The following SAMD9 variants were observed in gnomAD, a reference collection of about 807,000 sequenced individuals.
The protein encoded by SAMD9 is sterile alpha motif domain containing 9.
Under a neutral mutation model 1.5 loss-of-function variants are expected in SAMD9, and 3 were observed. The observed-to-expected ratio is 2.05, with a 90% CI of 0.93 to 5.29. The LOEUF (loss-of-function observed/expected upper bound fraction) is 5.29. Ranked by LOEUF, SAMD9 falls within the 30% of genes most tolerant of loss-of-function variation. The probability of loss-of-function intolerance (pLI) is 0.02; values close to 1 mark genes in which losing one functional copy is unlikely to be tolerated. For synonymous variants in SAMD9, 635 were observed against 631.9 expected (o/e 1.00, Z -0.07); for missense variants, 1,597 against 1,820.8 (o/e 0.88, Z 2.24).
At position 93,102,562 on chromosome 7, in the gene SAMD9, T is replaced by A. The variant is rs766505454; in HGVS notation, c.3536A>T (p.Glu1179Val). ...QSEDREYEVK[E>V]RLYPKSKRRY... ...CCTTTTTGACTTCGGATACAATCTT[T>A]CCTTCACTTCATACTCTCTATCTTC... The change falls in exon 3 of 3, where the codon GAA (glutamate) becomes GTA (valine). Residue 1179 changes from glutamate (E) to valine (V), a missense_variant. By Grantham distance (121) the Glu-to-Val change is moderately radical. This residue lies in a region of SAMD9 where 682 missense variants were observed against 810.0 expected (regional missense o/e 0.84). Transcript: ENST00000379958. The A allele has an allele frequency of 6.2e-7, 1 of 1,613,898 alleles. No homozygotes were observed. Among genetic ancestry groups the A allele is most frequent in the Non-Finnish European group, 8.5e-7 (1 of 1,179,790 alleles).
At position 93,105,509 on chromosome 7, in the gene SAMD9, A is replaced by C; in HGVS notation, c.589T>G (p.Phe197Val). The C allele has an allele frequency of 6.2e-7, 1 of 1,614,082 alleles. No homozygotes were observed. The highest frequency in any genetic ancestry group is 1.1e-5 in the South Asian group (1 of 91,078). The part of the protein sequence containing the change: ...PGNLIDPIHE[F>V]KAFTNTATAT... Reference sequence around the variant, plus strand: ...GTTGCTGTATTTGTGAAGGCTTTGAATTCATGTATCGGATCAATGAGATTG... The same window carrying C: ...GTTGCTGTATTTGTGAAGGCTTTGACTTCATGTATCGGATCAATGAGATTG... The change falls in exon 3 of 3, where the codon TTC (phenylalanine) becomes GTC (valine). Residue 197 changes from phenylalanine to valine, a missense_variant. By Grantham distance (50) the Phe-to-Val change is conservative (BLOSUM62 -1). Around this residue, in one of 6 missense-constraint regions of SAMD9, gnomAD observed 498 missense variants for 457.4 expected, o/e 1.09. Transcript: ENST00000379958.
In SAMD9 at chr7:93,101,545, C is replaced by T. The variant is rs1424807533; in HGVS notation, c.4553G>A (p.Trp1518Ter). ...INSLWQSGDV[W>*]KEEKVQELLL... The stretch of plus-strand genomic sequence containing the variant: ...AAGTTCTTGGACTTTTTCCTCCTTC[C>T]ACACATCTCCACTCTGCCACAAGGA... The change falls in exon 3 of 3, where the codon TGG becomes TAG. Residue 1518 changes from tryptophan to a stop codon, truncating the protein, a stop_gained. Transcript: ENST00000379958. LOFTEE classifies it low-confidence loss of function (END_TRUNC). 3.7e-6 allele frequency: 6 copies of T among 1,613,610 alleles called. No homozygotes were observed. The highest frequency in any genetic ancestry group is 1.1e-5 in the South Asian group (1 of 91,074).
intron 2 of SAMD9, among the ~76,000 whole-genome samples, chr7:93,113,754 T>C (rs984774319): frequency 4.6e-5 from 7 of 152,060 alleles, no homozygotes; most frequent in African/African-American, 7.2e-5. Context: ...TGAGATACCA[T>C]CTCACACCAG....
In SAMD9 at chr7:93,105,253, T is replaced by G; in HGVS notation, c.845A>C (p.Lys282Thr). The G allele has an allele frequency of 1.2e-6, 2 of 1,613,984 alleles. No homozygotes were observed. The highest frequency in any genetic ancestry group is 1.7e-6 in the Non-Finnish European group (2 of 1,179,972). Residue 282 changes from lysine to threonine, a missense_variant, in exon 3 of 3, where the codon AAG becomes ACG. Physicochemically the swap from Lys to Thr is moderately conservative, Grantham distance 78. This residue lies in a region of SAMD9 where 498 missense variants were observed against 457.4 expected (regional missense o/e 1.09). Coordinates refer to ENST00000379958, the MANE Select transcript of SAMD9 (RefSeq NM_017654.4). ...FEDHQVQQAK[K>T]CIREPRFVEV... ...CACAAATCTTGGCTCTCGAATGCACTTCTTTGCTTGTTGGACTTGATGGTC... is the reference window on the plus strand; with the variant it reads ...CACAAATCTTGGCTCTCGAATGCACGTCTTTGCTTGTTGGACTTGATGGTC...
intron 1 of SAMD9, among the ~76,000 whole-genome samples, chr7:93,116,631 T>C (rs1562780470): frequency 6.6e-6 from 1 of 152,220 alleles, no homozygotes; most frequent in Non-Finnish European, 1.5e-5. Flanking sequence ...CTTTATACCC[T>C]CTCGTTCCAA....
At chr7:93,108,925 C>T (rs12704664) in intron 2 of SAMD9, among the ~76,000 whole-genome samples, 15,176 of 152,182 alleles carry the variant, frequency 0.1, 847 homozygotes, top group Middle Eastern at 0.16. Context: ...CTTAAACATC[C>T]CTGTCTGACA....
In SAMD9 at chr7:93,101,358, G is replaced by A; in HGVS notation, c.4740C>T (p.Gly1580=). 1 of 1,612,984 alleles carries A rather than the reference G, an allele frequency of 6.2e-7. No homozygotes were observed. The part of the protein sequence containing the change: ...VSFYLGFSIG[G]PLAYDIEIV ...CAATTTCAATGTCATAAGCAAGTGG[G>A]CCTCCAATGGAAAATCCCAGGTAAA... Residue 1580 remains glycine (G), a synonymous_variant, in exon 3 of 3, where the codon GGC becomes GGT. Coordinates refer to ENST00000379958, the MANE Select transcript of SAMD9 (RefSeq NM_017654.4).
In SAMD9 at chr7:93,104,950, T is replaced by C; in HGVS notation, c.1148A>G (p.Lys383Arg). 6.2e-7 allele frequency: 1 copy of C among 1,610,894 alleles called. No homozygotes were observed. ...TCCCTCTCTTTCTTTTTTATTTGTT[T>C]TTGCTCTGAATTTTTCTTCTGCTGC... ...RKAAEEKFRA[K>R]TNKKEREGPK... The change falls in exon 3 of 3, where the codon AAA becomes AGA. Residue 383 changes from lysine to arginine, a missense_variant. Lys to Arg is a conservative substitution (Grantham distance 26, BLOSUM62 2). This residue lies in a region of SAMD9 where 498 missense variants were observed against 457.4 expected (regional missense o/e 1.09). Coordinates refer to ENST00000379958, the MANE Select transcript of SAMD9 (RefSeq NM_017654.4).
chr7:93,101,389 A>G lies in SAMD9; in HGVS notation c.4709T>C (p.Val1570Ala), dbSNP rs1791524846. 1.2e-6 allele frequency: 2 copies of G among 1,613,592 alleles called. No homozygotes were observed. The highest frequency in any genetic ancestry group is 1.3e-5 in the African/African-American group (1 of 74,896). The change falls in exon 3 of 3, where the codon GTG becomes GCG. Residue 1570 changes from valine to alanine, a missense_variant. Coordinates refer to ENST00000379958, the MANE Select transcript of SAMD9 (RefSeq NM_017654.4). ...QLRSGRSIEKVSFYLGFSIGG... is the reference protein window; with the variant it reads ...QLRSGRSIEKASFYLGFSIGG... ...AATGGAAAATCCCAGGTAAAAAGAC[A>G]CCTTCTCTATGCTTCTGCCACTTCT...
rs1791521193 is a variant in SAMD9, at chr7:93,101,221, A to G, written c.*107T>C. The stretch of plus-strand genomic sequence containing the variant: ...AAATACTGCATGTACAGATCTGAAG[A>G]GCTAGAGGCTGTATCTATAACCTTG... On this transcript the variant is annotated 3_prime_UTR_variant, in exon 3 of 3. Transcript: ENST00000379958. 1.2e-6 allele frequency: 1 copy of G among 822,612 alleles called. No individual in the cohort carries two copies. The highest frequency in any genetic ancestry group is 2.1e-6 in the Non-Finnish European group (1 of 475,214). 51.0% of individuals were successfully genotyped at this position (822,612 alleles called of 1,614,324 possible).
chr7:93,108,909 T>G (rs1457611231), intron 2 of SAMD9, among the ~76,000 whole-genome samples: 2 of 152,194 alleles, frequency 1.3e-5, no homozygotes, highest in East Asian at 1.9e-4. Context: ...AAGAAACTTC[T>G]GCAGACTTAA....
At chr7:93,111,442 G>A (rs969491763) in intron 2 of SAMD9, among the ~76,000 whole-genome samples, 4 of 152,036 alleles carry the variant, frequency 2.6e-5, no homozygotes, top group Non-Finnish European at 5.9e-5. Context: ...CAGAAGGCAA[G>A]AAATAACTAA....
chr7:93,101,135 C>T lies in SAMD9; in HGVS notation c.*193G>A, dbSNP rs372374031. ...AACATATTTGCTACTTTTCATATAT[C>T]TCACTCCTTCCTTTTTCACTATTGT... On this transcript the variant is annotated 3_prime_UTR_variant, in exon 3 of 3. Transcript: ENST00000379958. The T allele has an allele frequency of 6.6e-6, 4 of 610,146 alleles. No individual in the cohort carries two copies. Among genetic ancestry groups the T allele is most frequent in the East Asian group, 2.7e-5 (1 of 36,454 alleles). 37.8% of individuals were successfully genotyped at this position (610,146 alleles called of 1,614,324 possible). A position where few individuals can be genotyped will look rare whatever the true frequency, so the allele number is the denominator to read the frequency against.
Position 93,102,190 on chromosome 7 carries a change from T to C in SAMD9, c.3908A>G (p.Tyr1303Cys). 1 of 1,613,710 alleles carries C rather than the reference T, an allele frequency of 6.2e-7. No individual in the cohort carries two copies. The highest frequency in any genetic ancestry group is 8.5e-7 in the Non-Finnish European group (1 of 1,179,714). Reference sequence around the variant, plus strand: ...TTCTAAGAGACAAAATATATCTACATATTTCTTAAAATATCCAGCCACCTT... The same window carrying C: ...TTCTAAGAGACAAAATATATCTACACATTTCTTAAAATATCCAGCCACCTT... Reference protein sequence around the residue: ...RRKVAGYFKKYVDIFCLLEES... With the variant: ...RRKVAGYFKKCVDIFCLLEES... The change falls in exon 3 of 3, where the codon TAT becomes TGT. Residue 1303 changes from tyrosine (Y) to cysteine (C), a missense_variant. Around this residue, in one of 6 missense-constraint regions of SAMD9, gnomAD observed 682 missense variants for 810.0 expected, o/e 0.84. Coordinates refer to ENST00000379958, the MANE Select transcript of SAMD9 (RefSeq NM_017654.4).
chr7:93,105,643 T>C lies in SAMD9; in HGVS notation c.455A>G (p.Glu152Gly), dbSNP rs1221319744. 3.1e-6 allele frequency: 5 copies of C among 1,614,014 alleles called. No individual in the cohort carries two copies. The Middle Eastern group carries it at 4.9e-4, about 159-fold the overall frequency. Reference sequence around the variant, plus strand: ...TGTCAGGTCTATGGATGGTTGCCTTTCCTTTGTATAATCTATTTTATCTTC... The same window carrying C: ...TGTCAGGTCTATGGATGGTTGCCTTCCCTTTGTATAATCTATTTTATCTTC... Reference protein sequence around the residue: ...LIEDKIDYTKERQPSIDLTCV... With the variant: ...LIEDKIDYTKGRQPSIDLTCV... The change falls in exon 3 of 3, where the codon GAA becomes GGA. Residue 152 changes from glutamate to glycine, a missense_variant. Around this residue, in one of 6 missense-constraint regions of SAMD9, gnomAD observed 498 missense variants for 457.4 expected, o/e 1.09. Transcript: ENST00000379958.
intron 1 of SAMD9, among the ~76,000 whole-genome samples, chr7:93,116,693 A>G (rs1481194321): frequency 2.6e-5 from 4 of 152,204 alleles, no homozygotes; most frequent in Non-Finnish European, 5.9e-5. Context: ...ATATATTAAA[A>G]CCCTTAGGTA....
rs748098989 is a variant in SAMD9, at chr7:93,106,014, A to G, written c.84T>C (p.Ile28=). ...TCAAAATTTCCCTGTGTTTTTGGTC[A>G]ATCTTATGACTTTCTAACCACTGAT... The part of the protein sequence containing the change: ...DVNQWLESHK[I]DQKHREILTE... The change falls in exon 3 of 3, where the codon ATT becomes ATC. Residue 28 remains isoleucine (I), a synonymous_variant. Coordinates refer to ENST00000379958, the MANE Select transcript of SAMD9 (RefSeq NM_017654.4). 3 of 1,593,814 alleles carry G rather than the reference A, an allele frequency of 1.9e-6. No homozygotes were observed. The highest frequency in any genetic ancestry group is 1.8e-5 in the Admixed American group (1 of 55,598).
At chr7:93,117,102 T>G (rs1423611563) in intron 1 of SAMD9, among the ~76,000 whole-genome samples, 2 of 152,214 alleles carry the variant, frequency 1.3e-5, no homozygotes, top group Non-Finnish European at 2.9e-5. Flanking sequence ...CTGTCTGTCT[T>G]CCTATGTATG....
Position 93,104,921 on chromosome 7 carries a change from T to G in SAMD9, c.1177A>C (p.Lys393Gln). The G allele has an allele frequency of 1.9e-6, 3 of 1,612,624 alleles. No homozygotes were observed. Among genetic ancestry groups the G allele is most frequent in the Non-Finnish European group, 1.7e-6 (2 of 1,179,490 alleles). The change falls in exon 3 of 3, where the codon AAG (lysine) becomes CAG (glutamine). Residue 393 changes from lysine to glutamine, a missense_variant. Coordinates refer to ENST00000379958, the MANE Select transcript of SAMD9 (RefSeq NM_017654.4). The stretch of plus-strand genomic sequence containing the variant: ...TTTCCTGTCAATAATTTAACCAACT[T>G]TGGTCCCTCTCTTTCTTTTTTATTT... ...KTNKKEREGPKLVKLLTGNQD... is the reference protein window; with the variant it reads ...KTNKKEREGPQLVKLLTGNQD...
Sources: allele counts gnomAD v4.1 joint callset (sites outside exome capture counted in the v4.1 genomes callset), GRCh38; gene constraint gnomAD v4.1.1; regional missense constraint gnomAD v4.1.1; transcripts MANE v1.5; gene names NCBI Gene and HGNC (gene_info 2026-07-23, HGNC 2026-07-21).